The following ANK2 variants were observed in gnomAD, a reference collection of about 807,000 sequenced individuals.
The protein encoded by ANK2 is ankyrin-2.
Under a neutral mutation model 360.5 loss-of-function variants are expected in ANK2, and 83 were observed. The ratio of observed to expected loss-of-function variants is 0.23; its 90% CI spans 0.19 to 0.28. The LOEUF (loss-of-function observed/expected upper bound fraction) is 0.28. Among genes scored for constraint, ANK2 ranks in the 10% least tolerant of loss-of-function variants. ANK2 has a pLI of 1.00. For synonymous variants in ANK2, 1,740 were observed against 1,759.5 expected, an observed-to-expected ratio of 0.99 and a Z score of 0.28; for missense variants, 4,201 against 4,795.7, an observed-to-expected ratio of 0.88 and a Z score of 3.66.
intron 26 of ANK2, among the ~76,000 whole-genome samples, chr4:113,319,001 G>T (rs2084510918): frequency 6.6e-6 from 1 of 152,094 alleles, no homozygotes; most frequent in African/African-American, 2.4e-5. Flanking sequence ...TTAGCTGATT[G>T]GTTCAATGAA....
chr4:113,004,970 A>T (rs190264394), intron 2 of ANK2, among the ~76,000 whole-genome samples: 104 of 152,350 alleles, frequency 6.8e-4, no homozygotes, highest in African/African-American at 2.4e-3. Flanking sequence ...ATCTTTTTAT[A>T]ACCTTGAAGT....
At position 113,357,772 on chromosome 4, in the gene ANK2, G is replaced by A. The variant is rs1454461919; in HGVS notation, c.9154G>A (p.Asp3052Asn). ...TTCTTGGAGTGAAATTCGGGAAGAC[G>A]ATGAAGCCTTTGAGGCTCGTGTGAA... ...SDSWSEIREDDEAFEARVKEE... is the reference protein window; with the variant it reads ...SDSWSEIREDNEAFEARVKEE... The change falls in exon 38 of 46, where the codon GAT becomes AAT. Residue 3052 changes from aspartate to asparagine, a missense_variant. This residue lies in a region of ANK2 where 2,642 missense variants were observed against 2,714.5 expected (regional missense o/e 0.97). Transcript: ENST00000357077. The A allele has an allele frequency of 3.1e-6, 5 of 1,613,908 alleles. No homozygotes were observed. Among genetic ancestry groups the A allele is most frequent in the Admixed American group, 1.7e-5 (1 of 59,990 alleles).
At chr4:112,753,394 C>T in the ANK2 span, among the ~76,000 whole-genome samples, 77 of 152,238 alleles carry the variant, frequency 5.1e-4, no homozygotes, top group Non-Finnish European at 8.5e-4. Flanking sequence ...ATAGAGTGTA[C>T]CTACACAAAC....
chr4:113,045,968 G>T (rs965466741), upstream of ANK2, among the ~76,000 whole-genome samples: 1 of 152,146 alleles, frequency 6.6e-6, no homozygotes, highest in South Asian at 2.1e-4. Flanking sequence ...GCCATGCACT[G>T]CAGTAGGCTT....
At chr4:112,898,788 C>T (rs2150809081) in intron 1 of ANK2, among the ~76,000 whole-genome samples, 1 of 152,280 alleles carries the variant, frequency 6.6e-6, no homozygotes, top group East Asian at 1.9e-4. Flanking sequence ...ATGGCTTACT[C>T]AGACCTTTTT....
At chr4:112,926,853 C>T (rs973128766) in intron 2 of ANK2, among the ~76,000 whole-genome samples, 2 of 152,126 alleles carry the variant, frequency 1.3e-5, no homozygotes, top group African/African-American at 4.8e-5. Context: ...TTGTATTAGT[C>T]CATTCTCACG....
chr4:112,878,362 T>C (rs974811337), intron 1 of ANK2, among the ~76,000 whole-genome samples: 17 of 152,238 alleles, frequency 1.1e-4, no homozygotes, highest in Admixed American at 5.2e-4. Context: ...GTTTTGCTCT[T>C]GTTGCCCAGG....
intron 26 of ANK2, among the ~76,000 whole-genome samples, chr4:113,329,198 A>G (rs1387502910): frequency 2.0e-5 from 3 of 152,216 alleles, no homozygotes; most frequent in African/African-American, 7.2e-5. Context: ...GCTCCTCGAC[A>G]CAGTAAGTGC....
chr4:112,954,215 A>ATCCCTCCC (rs530640899), intron 2 of ANK2, among the ~76,000 whole-genome samples: 101 of 63,040 alleles, frequency 1.6e-3, no homozygotes, highest in South Asian at 7.4e-3. Context: ...CTCCCCTCCC[A>ATCCCTCCC]TCCCTCCCTC....
intron 2 of ANK2, among the ~76,000 whole-genome samples, chr4:112,961,992 CAG>C (rs1267423727): frequency 6.6e-6 from 1 of 152,104 alleles, no homozygotes; most frequent in Non-Finnish European, 1.5e-5. Context: ...AATGTGCAGC[CAG>C]AGTTAAGAAT....
chr4:112,790,776 C>CA, the ANK2 span, among the ~76,000 whole-genome samples: 1 of 152,280 alleles, frequency 6.6e-6, no homozygotes, highest in South Asian at 2.1e-4. Context: ...CGTGAGCCAT[C>CA]ACACCCTGCC....
In ANK2 at chr4:113,355,771, C is replaced by A; in HGVS notation, c.7153C>A (p.Pro2385Thr). ...TSDETKALPL[P>T]EASVKTDTGT... is the part of the protein sequence containing the mutation. ...AGACGAGACAAAGGCCTTGCCGCTGCCTGAGGCTTCTGTAAAGACAGATAC... is the reference window on the plus strand; with the variant it reads ...AGACGAGACAAAGGCCTTGCCGCTGACTGAGGCTTCTGTAAAGACAGATAC... The change falls in exon 38 of 46, where the codon CCT (proline) becomes ACT (threonine). Residue 2385 changes from proline (P) to threonine (T), a missense_variant. Pro to Thr is a conservative substitution (Grantham distance 38, BLOSUM62 -1). Coordinates refer to ENST00000357077, the MANE Select transcript of ANK2 (RefSeq NM_001148.6). 6.2e-7 allele frequency: 1 copy of A among 1,614,102 alleles called. No individual in the cohort carries two copies. Among genetic ancestry groups the A allele is most frequent in the South Asian group, 1.1e-5 (1 of 91,082 alleles).
chr4:113,352,640 GT>G (rs1385256841), intron 37 of ANK2, among the ~76,000 whole-genome samples: 2 of 150,938 alleles, frequency 1.3e-5, no homozygotes, highest in Non-Finnish European at 3.0e-5. Context: ...TTTCCTCATG[GT>G]TGGTTTTCTT....
intron 14 of ANK2, 147 bp downstream of exon 14, chr4:113,265,142 A>G (rs1388577588): frequency 1.2e-6 from 1 of 821,840 alleles, no homozygotes; most frequent in Non-Finnish European, 1.9e-6. Context: ...CCAGAAAAAA[A>G]AAAGAAACAT....
intron 42 of ANK2, among the ~76,000 whole-genome samples, 176 bp downstream of exon 42, chr4:113,368,027 G>C (rs1164734680): frequency 2.0e-5 from 3 of 152,172 alleles, no homozygotes; most frequent in African/African-American, 7.2e-5. Context: ...ACATAATTGT[G>C]ACAGTGTTTG....
chr4:112,755,229 TTTAAC>T, the ANK2 span, among the ~76,000 whole-genome samples: 1 of 152,202 alleles, frequency 6.6e-6, no homozygotes, highest in South Asian at 2.1e-4. Flanking sequence ...CCTTGTGTTG[TTTAAC>T]TTGTTTCACT....
At position 113,264,927 on chromosome 4, in the gene ANK2, C is replaced by G; in HGVS notation, c.1417C>G (p.Arg473Gly). The part of the protein sequence containing the change: ...RGETALHMAA[R>G]AGQVEVVRCL... Reference sequence around the variant, plus strand: ...TGAGACGGCACTACACATGGCAGCCCGAGCCGGGCAGGTGGAAGTGGTCCG... The same window carrying G: ...TGAGACGGCACTACACATGGCAGCCGGAGCCGGGCAGGTGGAAGTGGTCCG... The change falls in exon 14 of 46, where the codon CGA becomes GGA. Residue 473 changes from arginine to glycine, a missense_variant. Arg to Gly is a moderately radical substitution (Grantham distance 125). Coordinates refer to ENST00000357077, the MANE Select transcript of ANK2 (RefSeq NM_001148.6). 1 of 1,567,708 alleles carries G rather than the reference C, an allele frequency of 6.4e-7. No homozygotes were observed. Among genetic ancestry groups the G allele is most frequent in the South Asian group, 1.2e-5 (1 of 85,044 alleles).
At chr4:113,278,362 A>T (rs1339386502) in intron 16 of ANK2, 98 bp from the exon 17 acceptor site, 6 of 942,144 alleles carry the variant, frequency 6.4e-6, no homozygotes, top group Non-Finnish European at 1.0e-5. Flanking sequence ...TAATTCATTA[A>T]CATGAATTTA....
intron 2 of ANK2, among the ~76,000 whole-genome samples, chr4:112,973,526 A>G (rs11098182): frequency 0.34 from 51,197 of 151,984 alleles, 9,272 homozygotes; most frequent in African/African-American, 0.48. Flanking sequence ...GTTCAGTTGC[A>G]TTGCTTTTGA....
Sources: gnomAD v4.1 joint callset for allele counts (sites outside exome capture counted in the v4.1 genomes callset) on GRCh38, gnomAD v4.1.1 for gene constraint, gnomAD v4.1.1 regional missense constraint, MANE v1.5 for transcripts, NCBI Gene and HGNC (gene_info 2026-07-23, HGNC 2026-07-21) for gene names.